NAGLU: variants seen among roughly 807,000 people sequenced by gnomAD.
The protein encoded by NAGLU is alpha-N-acetylglucosaminidase.
In NAGLU, 34 loss-of-function variants were observed where a neutral mutation model predicts 43.4. The observed-to-expected ratio is 0.78, with a 90% CI of 0.60 to 1.04. The LOEUF is 1.04. Among genes scored for constraint, NAGLU ranks in the 50% least tolerant of loss-of-function variants. The probability of loss-of-function intolerance (pLI) is 0.00; values close to 1 mark genes in which losing one functional copy is unlikely to be tolerated. For synonymous variants in NAGLU, 425 were observed against 437.6 expected (o/e 0.97, Z 0.36); for missense variants, 910 against 993.7 (o/e 0.92, Z 1.13).
chr17:42,536,431 G>A lies in NAGLU; in HGVS notation c.159G>A (p.Glu53=), dbSNP rs910639529. Reference sequence around the variant, plus strand: ...CGGCCGACTTCTCCGTGTCGGTGGAGCGCGCTCTGGCTGCCAAGCCGGGCT... The same window carrying A: ...CGGCCGACTTCTCCGTGTCGGTGGAACGCGCTCTGGCTGCCAAGCCGGGCT... ...GPAADFSVSV[E]RALAAKPGLD... is the part of the protein sequence containing the mutation. The change falls in exon 1 of 6, where the codon GAG becomes GAA. Residue 53 remains glutamate (E), a synonymous_variant. Transcript: ENST00000225927. 10 of 1,254,206 alleles carry A rather than the reference G, an allele frequency of 8.0e-6. No homozygotes were observed. The highest frequency in any genetic ancestry group is 1.0e-5 in the Non-Finnish European group (10 of 990,276). The allele number at this position is 1,254,206 out of a possible 1,614,324, so 77.7% of individuals were successfully genotyped here.
At position 42,536,569 on chromosome 17, in the gene NAGLU, C is replaced by T. The variant is rs2092906817; in HGVS notation, c.297C>T (p.Cys99=). The T allele has an allele frequency of 1.3e-6, 2 of 1,482,078 alleles. No individual in the cohort carries two copies. Among genetic ancestry groups the T allele is most frequent in the Non-Finnish European group, 1.8e-6 (2 of 1,123,590 alleles). The allele number at this position is 1,482,078 out of a possible 1,614,324, so 91.8% of individuals were successfully genotyped here. The change falls in exon 1 of 6, where the codon TGC becomes TGT. Residue 99 remains cysteine (C), a synonymous_variant. Coordinates refer to ENST00000225927, the MANE Select transcript of NAGLU (RefSeq NM_000263.4). ...GCTACCTGCGCGACTTCTGTGGCTG[C>T]CACGTGGCCTGGTCCGGCTCTCAGC... ...LHRYLRDFCG[C]HVAWSGSQLR... is the part of the protein sequence containing the mutation.
At position 42,537,391 on chromosome 17, in the gene NAGLU, C is replaced by T; in HGVS notation, c.384-7C>T. On this transcript the variant is annotated splice_polypyrimidine_tract_variant and splice_region_variant and intron_variant, in intron 1 of 5. Coordinates refer to ENST00000225927, the MANE Select transcript of NAGLU (RefSeq NM_000263.4). ...GGATGCGCCCCTGCTCATGACACTG[C>T]CCGCAGGTACCGCTATTACCAGAAT... The T allele has an allele frequency of 1.9e-6, 3 of 1,614,110 alleles. No homozygotes were observed. Among genetic ancestry groups the T allele is most frequent in the South Asian group, 1.1e-5 (1 of 91,086 alleles).
At chr17:42,541,418 A>G (rs566873079) in intron 5 of NAGLU, among the ~76,000 whole-genome samples, 2 of 152,268 alleles carry the variant, frequency 1.3e-5, no homozygotes, top group East Asian at 3.9e-4. Flanking sequence ...CCTGGGTCAC[A>G]CCTCGCGCTC....
At chr17:42,542,836 G>A (rs377618487) in intron 5 of NAGLU, among the ~76,000 whole-genome samples, 192 bp from the exon 6 acceptor site, 1 of 152,216 alleles carries the variant, frequency 6.6e-6, no homozygotes, top group Non-Finnish European at 1.5e-5. Context: ...TAACTCTCAT[G>A]TTCACCCAAG....
Position 42,544,293 on chromosome 17 carries a change from G to C in NAGLU, c.*55G>C. The C allele has an allele frequency of 1.3e-6, 2 of 1,599,244 alleles. No individual in the cohort carries two copies. The highest frequency in any genetic ancestry group is 2.2e-5 in the South Asian group (2 of 90,736). ...CGCTAATTCCAGGGCAGATTCCAGG[G>C]CCCAGAGCTGGACAGACATCACAGG... On this transcript the variant is annotated 3_prime_UTR_variant, in exon 6 of 6. Coordinates refer to ENST00000225927, the MANE Select transcript of NAGLU (RefSeq NM_000263.4).
chr17:42,542,503 T>C (rs1465248534), intron 5 of NAGLU, among the ~76,000 whole-genome samples: 1 of 151,272 alleles, frequency 6.6e-6, no homozygotes, highest in Non-Finnish European at 1.5e-5. Context: ...TGGCCTTGAT[T>C]TTGTTTTTGA....
chr17:42,536,631 A>G lies in NAGLU; in HGVS notation c.359A>G (p.Glu120Gly), dbSNP rs2092907090. The change falls in exon 1 of 6, where the codon GAG (glutamate) becomes GGG (glycine). Residue 120 changes from glutamate (E) to glycine (G), a missense_variant. Physicochemically the swap from Glu to Gly is moderately conservative, Grantham distance 98 (BLOSUM62 -2). Coordinates refer to ENST00000225927, the MANE Select transcript of NAGLU (RefSeq NM_000263.4). The stretch of plus-strand genomic sequence containing the variant: ...CGGCCACTGCCAGCCGTGCCGGGGG[A>G]GCTGACCGAGGCCACGCCCAACAGG... ...LPRPLPAVPG[E>G]LTEATPNRYR... is the part of the protein sequence containing the mutation. 2 of 1,495,612 alleles carry G rather than the reference A, an allele frequency of 1.3e-6. No individual in the cohort carries two copies. The highest frequency in any genetic ancestry group is 2.2e-5 in the Admixed American group (1 of 46,268). 92.6% of individuals were successfully genotyped at this position (1,495,612 alleles called of 1,614,324 possible).
chr17:42,537,002 C>A, intron 1 of NAGLU: 1 of 447,658 alleles, frequency 2.2e-6, no homozygotes, highest in Non-Finnish European at 4.1e-6. Context: ...CATCCCCCAC[C>A]CTACAGGCCT....
chr17:42,544,272 AATTCCAGGGCAG>A lies in NAGLU; in HGVS notation c.*45_*56del. The A allele has an allele frequency of 1.9e-6, 3 of 1,602,990 alleles. No homozygotes were observed. The highest frequency in any genetic ancestry group is 1.7e-6 in the Non-Finnish European group (2 of 1,179,934). ...CCACCACTGGGCCTTGTTTTCCGCT[AATTCCAGGGCAG>A]ATTCCAGGGCCCAGAGCTGGACAGA... On this transcript the variant is annotated 3_prime_UTR_variant, in exon 6 of 6. Transcript: ENST00000225927.
chr17:42,537,656 C>A, intron 2 of NAGLU, 111 bp downstream of exon 2: 1 of 1,432,526 alleles, frequency 7.0e-7, no homozygotes, highest in Non-Finnish European at 9.5e-7. Context: ...GTGCTTTCAG[C>A]GTGCACAGTG....
intron 5 of NAGLU, among the ~76,000 whole-genome samples, chr17:42,542,352 C>T (rs2092923624): frequency 6.6e-6 from 1 of 152,192 alleles, no homozygotes; most frequent in Non-Finnish European, 1.5e-5. Context: ...GTGTGAGCCA[C>T]CTTGCCTGGC....
chr17:42,536,542 C>G lies in NAGLU; in HGVS notation c.270C>G (p.His90Gln), dbSNP rs1360267129. Residue 90 changes from histidine (H) to glutamine (Q), a missense_variant, in exon 1 of 6, where the codon CAC (histidine) becomes CAG (glutamine). Coordinates refer to ENST00000225927, the MANE Select transcript of NAGLU (RefSeq NM_000263.4). ...GCGTGGCGGCCGCCGCGGGGCTGCACCGCTACCTGCGCGACTTCTGTGGCT... is the reference window on the plus strand; with the variant it reads ...GCGTGGCGGCCGCCGCGGGGCTGCAGCGCTACCTGCGCGACTTCTGTGGCT... ...STGVAAAAGLHRYLRDFCGCH... is the reference protein window; with the variant it reads ...STGVAAAAGLQRYLRDFCGCH... 6.8e-7 allele frequency: 1 copy of G among 1,462,856 alleles called. No individual in the cohort carries two copies. The highest frequency in any genetic ancestry group is 2.9e-5 in the East Asian group (1 of 33,990). 90.6% of individuals were successfully genotyped at this position (1,462,856 alleles called of 1,614,324 possible). A position where few individuals can be genotyped will look rare whatever the true frequency, so the allele number is the denominator to read the frequency against.
rs1792297454 is a variant in NAGLU at position 42,536,476 on chromosome 17, C to T, written c.204C>T (p.Gly68=). ...AKPGLDTYSL[G]GGGAARVRVR... Reference sequence around the variant, plus strand: ...CGGGCTTGGACACCTACAGCCTGGGCGGCGGCGGCGCGGCGCGCGTGCGGG... The same window carrying T: ...CGGGCTTGGACACCTACAGCCTGGGTGGCGGCGGCGCGGCGCGCGTGCGGG... The change falls in exon 1 of 6, where the codon GGC becomes GGT. Residue 68 remains glycine (G), a synonymous_variant. Transcript: ENST00000225927. The T allele has an allele frequency of 2.5e-6, 3 of 1,212,494 alleles. No homozygotes were observed. The highest frequency in any genetic ancestry group is 1.6e-5 in the African/African-American group (1 of 62,296). The allele number at this position is 1,212,494 out of a possible 1,614,324, so 75.1% of individuals were successfully genotyped here. A position where few individuals can be genotyped will look rare whatever the true frequency, so the allele number is the denominator to read the frequency against.
At chr17:42,542,659 A>G (rs900629932) in intron 5 of NAGLU, among the ~76,000 whole-genome samples, 3 of 152,174 alleles carry the variant, frequency 2.0e-5, no homozygotes, top group Non-Finnish European at 4.4e-5. Flanking sequence ...ACGCTAGGCT[A>G]ATTTTTGTAT....
chr17:42,537,683 A>C, intron 2 of NAGLU, 138 bp downstream of exon 2: 1 of 1,268,322 alleles, frequency 7.9e-7, no homozygotes, highest in Non-Finnish European at 1.1e-6. Flanking sequence ...GCCTCCTAAA[A>C]ACTGAGGCTT....
intron 4 of NAGLU, among the ~76,000 whole-genome samples, chr17:42,539,251 C>G (rs1200659612): frequency 1.3e-5 from 2 of 152,236 alleles, no homozygotes; most frequent in African/African-American, 4.8e-5. Context: ...AATGGGATCT[C>G]TACCCACTTC....
rs1344921864 is a variant in NAGLU at position 42,543,832 on chromosome 17, T to C, written c.1826T>C (p.Val609Ala). 6.2e-7 allele frequency: 1 copy of C among 1,600,908 alleles called. No homozygotes were observed. The highest frequency in any genetic ancestry group is 8.5e-7 in the Non-Finnish European group (1 of 1,174,360). ...AYELLPALDE[V>A]LASDSRFLLG... ...GAGCTGCTGCCGGCACTGGACGAGG[T>C]GCTGGCTAGTGACAGCCGCTTCTTG... The change falls in exon 6 of 6, where the codon GTG becomes GCG. Residue 609 changes from valine to alanine, a missense_variant. By Grantham distance (64) the Val-to-Ala change is moderately conservative (BLOSUM62 0). Coordinates refer to ENST00000225927, the MANE Select transcript of NAGLU (RefSeq NM_000263.4).
At position 42,540,978 on chromosome 17, in the gene NAGLU, A is replaced by G. The variant is rs2092920072; in HGVS notation, c.793A>G (p.Met265Val). The change falls in exon 5 of 6, where the codon ATG becomes GTG. Residue 265 changes from methionine to valine, a missense_variant. Met to Val is a conservative substitution (Grantham distance 21, BLOSUM62 1). Transcript: ENST00000225927. ...GTTCCCTCAGGTCAATGTCACGAAG[A>G]TGGGCAGTTGGGGCCACTTTAACTG... ...RVFPQVNVTKMGSWGHFNCSY... is the reference protein window; with the variant it reads ...RVFPQVNVTKVGSWGHFNCSY... 6.2e-7 allele frequency: 1 copy of G among 1,614,176 alleles called. No individual in the cohort carries two copies. The highest frequency in any genetic ancestry group is 8.5e-7 in the Non-Finnish European group (1 of 1,180,028).
rs1360057177 is a variant in NAGLU at position 42,536,258 on chromosome 17, C to T, written c.-15C>T. 5 of 1,217,248 alleles carry T rather than the reference C, an allele frequency of 4.1e-6. No homozygotes were observed. The highest frequency in any genetic ancestry group is 8.6e-5 in the Admixed American group (2 of 23,172). 75.4% of individuals were successfully genotyped at this position (1,217,248 alleles called of 1,614,324 possible). A position where few individuals can be genotyped will look rare whatever the true frequency, so the allele number is the denominator to read the frequency against. Reference sequence around the variant, plus strand: ...CCCACCCCCTGGCCGTCGCGGGACCCGCAGGACTGAGACCATGGAGGCGGT... The same window carrying T: ...CCCACCCCCTGGCCGTCGCGGGACCTGCAGGACTGAGACCATGGAGGCGGT... On this transcript the variant is annotated 5_prime_UTR_variant, in exon 1 of 6. Transcript: ENST00000225927.
Sources: allele counts gnomAD v4.1 joint callset (sites outside exome capture counted in the v4.1 genomes callset), GRCh38; gene constraint gnomAD v4.1.1; transcripts MANE v1.5; gene names NCBI Gene and HGNC (gene_info 2026-07-23, HGNC 2026-07-21).